Variants in HCN1 observed in about 807,000 individuals in gnomAD.
The protein encoded by HCN1 is potassium/sodium hyperpolarization-activated cyclic nucleotide-gated channel 1.
Under a neutral mutation model 78.9 loss-of-function variants are expected in HCN1, and 13 were observed. That is an observed-to-expected ratio of 0.16 (90% CI 0.11 to 0.26). The LOEUF is 0.26. HCN1 is among the 10% of genes least tolerant of loss of function. HCN1 has a pLI of 1.00. For missense variants in HCN1, 810 were observed against 1,154.3 expected (o/e 0.70, Z 4.32); for synonymous variants, 552 against 455.5 (o/e 1.21, Z -2.70).
At chr5:45,305,754 A>G (rs1745720244) in intron 5 of HCN1, among the ~76,000 whole-genome samples, 1 of 149,922 alleles carries the variant, frequency 6.7e-6, no homozygotes. Flanking sequence ...AAGAAGAAAC[A>G]GAAGAAGGGA....
chr5:45,271,134 A>G (rs1048542537), intron 6 of HCN1, among the ~76,000 whole-genome samples: 3 of 152,182 alleles, frequency 2.0e-5, no homozygotes, highest in African/African-American at 7.2e-5. Flanking sequence ...TCTTAACCCA[A>G]AGGTTTTCTA....
At chr5:45,582,146 C>G (rs530299894) in intron 2 of HCN1, among the ~76,000 whole-genome samples, 3 of 152,224 alleles carry the variant, frequency 2.0e-5, no homozygotes, top group African/African-American at 7.2e-5. Context: ...ATTCTTCCTA[C>G]CCATGAGCAT....
chr5:45,449,412 T>C (rs971077568), intron 3 of HCN1, among the ~76,000 whole-genome samples: 3 of 152,166 alleles, frequency 2.0e-5, no homozygotes, highest in Admixed American at 1.3e-4. Context: ...TCAGTTTTTG[T>C]TGAAGTAGAT....
intron 5 of HCN1, among the ~76,000 whole-genome samples, chr5:45,313,993 T>C (rs902262804): frequency 6.6e-6 from 1 of 151,984 alleles, no homozygotes; most frequent in African/African-American, 2.4e-5. Flanking sequence ...CAGGCCAACA[T>C]TCAAATTCAG....
intron 1 of HCN1, among the ~76,000 whole-genome samples, chr5:45,649,295 TTAAC>T (rs370006641): frequency 1.1e-4 from 17 of 152,044 alleles, no homozygotes; most frequent in Non-Finnish European, 1.9e-4. Context: ...ATGGAAAACT[TTAAC>T]TGAGTGTACA....
At chr5:45,647,325 G>A (rs1745569214) in intron 1 of HCN1, among the ~76,000 whole-genome samples, 1 of 152,102 alleles carries the variant, frequency 6.6e-6, no homozygotes. Flanking sequence ...ATGTAGAGGA[G>A]GAGCAATATT....
At chr5:45,544,865 C>G (rs935465307) in intron 2 of HCN1, among the ~76,000 whole-genome samples, 1 of 151,982 alleles carries the variant, frequency 6.6e-6, no homozygotes, top group African/African-American at 2.4e-5. Flanking sequence ...GACATTTGGA[C>G]TGGTTCCAAG....
intron 2 of HCN1, among the ~76,000 whole-genome samples, chr5:45,542,370 C>T (rs1163004800): frequency 6.6e-6 from 1 of 152,018 alleles, no homozygotes; most frequent in Non-Finnish European, 1.5e-5. Context: ...GTAAATATTT[C>T]TGATCACATC....
chr5:45,532,006 C>A (rs1257713460), intron 2 of HCN1, among the ~76,000 whole-genome samples: 2 of 152,192 alleles, frequency 1.3e-5, no homozygotes. Context: ...CACCACTGCA[C>A]TCCAGCCTGG....
intron 6 of HCN1, among the ~76,000 whole-genome samples, chr5:45,287,466 A>G (rs1391998730): frequency 6.6e-6 from 1 of 152,080 alleles, no homozygotes; most frequent in Non-Finnish European, 1.5e-5. Context: ...TCTTGTAGTT[A>G]TTTTAATATA....
rs576108669 is a variant in HCN1, at chr5:45,373,762, C to T, written c.1231-20516G>A. Among the ~76,000 whole-genome samples, 79 of 115,552 alleles carry T rather than the reference C, an allele frequency of 6.8e-4. 1 individual carries two copies. Among genetic ancestry groups the T allele is most frequent in the Non-Finnish European group, 1.2e-3 (69 of 59,462 alleles). 75.8% of individuals were successfully genotyped at this position (115,552 alleles called of 152,430 possible). A position where few individuals can be genotyped will look rare whatever the true frequency, so the allele number is the denominator to read the frequency against. ...TATAATATATTACATACGGTATATA[C>T]GTCATCTATAATATATTACATACGG... On this transcript the variant is annotated intron_variant, in intron 4 of 7. Coordinates refer to ENST00000303230, the MANE Select transcript of HCN1 (RefSeq NM_021072.4).
chr5:45,459,493 A>G (rs1741099952), intron 3 of HCN1, among the ~76,000 whole-genome samples: 1 of 147,906 alleles, frequency 6.8e-6, no homozygotes, highest in African/African-American at 2.5e-5. Flanking sequence ...AGGTTGGGCT[A>G]TGTTGGAATA....
intron 2 of HCN1, among the ~76,000 whole-genome samples, chr5:45,514,105 G>C (rs1204004143): frequency 6.6e-6 from 1 of 151,892 alleles, no homozygotes; most frequent in African/African-American, 2.4e-5. Flanking sequence ...AAGACCAATG[G>C]GCAGTCTTAG....
At chr5:45,417,671 T>C (rs1024837812) in intron 3 of HCN1, among the ~76,000 whole-genome samples, 4 of 145,584 alleles carry the variant, frequency 2.7e-5, no homozygotes, top group Non-Finnish European at 6.0e-5. Context: ...CAGTCAGCTA[T>C]GATCAATTTA....
intron 2 of HCN1, among the ~76,000 whole-genome samples, chr5:45,555,963 C>G (rs890261485): frequency 1.3e-5 from 2 of 151,832 alleles, no homozygotes; most frequent in African/African-American, 4.8e-5. Flanking sequence ...AAGGAAAAGA[C>G]AGTCTCTTCA....
chr5:45,348,158 G>C (rs1746791675), intron 5 of HCN1, among the ~76,000 whole-genome samples: 1 of 152,184 alleles, frequency 6.6e-6, no homozygotes, highest in Non-Finnish European at 1.5e-5. Flanking sequence ...CAGACTAACA[G>C]CAGATCTCTC....
intron 2 of HCN1, among the ~76,000 whole-genome samples, chr5:45,463,769 T>C (rs1741212947): frequency 6.6e-6 from 1 of 152,110 alleles, no homozygotes; most frequent in South Asian, 2.1e-4. Flanking sequence ...TTTTTTGTTG[T>C]TGTTTAGTAA....
At chr5:45,687,800 A>C (rs1240876681) in intron 1 of HCN1, among the ~76,000 whole-genome samples, 4 of 152,116 alleles carry the variant, frequency 2.6e-5, no homozygotes, top group Admixed American at 6.6e-5. Flanking sequence ...CACATGCGGG[A>C]ATTTTTGCAG....
intron 3 of HCN1, among the ~76,000 whole-genome samples, chr5:45,402,342 C>T (rs1055512060): frequency 1.3e-5 from 2 of 152,110 alleles, no homozygotes; most frequent in East Asian, 1.9e-4. Flanking sequence ...ATGATTTTAC[C>T]ACTTAGGAGA....
Sources: allele counts gnomAD v4.1 joint callset (sites outside exome capture counted in the v4.1 genomes callset), GRCh38; gene constraint gnomAD v4.1.1; transcripts MANE v1.5; gene names NCBI Gene and HGNC (gene_info 2026-07-23, HGNC 2026-07-21).